KCTD1: variants seen among roughly 807,000 people sequenced by gnomAD.
KCTD1 encodes BTB/POZ domain-containing protein KCTD1.
A neutral mutation model predicts 66.0 loss-of-function variants in KCTD1; 24 were observed. That is an observed-to-expected ratio of 0.36 (90% confidence interval 0.26 to 0.51). The LOEUF (loss-of-function observed/expected upper bound fraction) is 0.51. Ranked by LOEUF, KCTD1 falls within the 20% of genes least tolerant of loss-of-function variation. The probability of loss-of-function intolerance (pLI) is 0.95; values close to 1 mark genes in which losing one functional copy is unlikely to be tolerated. For missense variants in KCTD1, 943 were observed against 1,205.2 expected (o/e 0.78, Z 3.22); for synonymous variants, 511 against 517.2 (o/e 0.99, Z 0.16).
chr18:26,631,835 T>G (rs927363109), upstream of KCTD1, among the ~76,000 whole-genome samples: 1 of 148,132 alleles, frequency 6.8e-6, no homozygotes, highest in Non-Finnish European at 1.5e-5. Flanking sequence ...GATCACGAGG[T>G]CAGGAGATCG....
At chr18:26,599,458 A>C in intron 1 of KCTD1, 4 of 1,611,436 alleles carry the variant, frequency 2.5e-6, no homozygotes, top group Non-Finnish European at 2.5e-6. Flanking sequence ...GTCTGGGATA[A>C]GTCATCCCCA....
At chr18:26,602,739 A>G (rs1161866114) in intron 1 of KCTD1, among the ~76,000 whole-genome samples, 2 of 152,248 alleles carry the variant, frequency 1.3e-5, no homozygotes, top group Non-Finnish European at 2.9e-5. Flanking sequence ...GGTTAATAAC[A>G]TCATGATCCA....
At chr18:26,487,303 C>T (rs1181264125) in intron 2 of KCTD1, among the ~76,000 whole-genome samples, 1 of 152,172 alleles carries the variant, frequency 6.6e-6, no homozygotes, top group Non-Finnish European at 1.5e-5. Context: ...GGACTGTGAG[C>T]TATATCTCTT....
intron 1 of KCTD1, among the ~76,000 whole-genome samples, chr18:26,647,734 C>A (rs1049479878): frequency 6.6e-6 from 1 of 152,026 alleles, no homozygotes; most frequent in African/African-American, 2.4e-5. Context: ...GTTCATACTG[C>A]AGGTGAATTT....
chr18:26,639,724 C>T (rs935926617), intron 1 of KCTD1, among the ~76,000 whole-genome samples: 3 of 152,090 alleles, frequency 2.0e-5, no homozygotes, highest in East Asian at 1.9e-4. Flanking sequence ...CTCACAACAC[C>T]GCTGTGCTGT....
chr18:26,464,644 T>G (rs1980623107), intron 3 of KCTD1, among the ~76,000 whole-genome samples: 2 of 152,246 alleles, frequency 1.3e-5, no homozygotes, highest in Non-Finnish European at 2.9e-5. Flanking sequence ...CATTTCATTT[T>G]AAAAACTGTG....
In KCTD1 at chr18:26,649,611, C is replaced by T. The variant is rs571549531; in HGVS notation, c.9+7749G>A. Among the ~76,000 whole-genome samples the T allele has an allele frequency of 3.3e-5, 5 of 152,262 alleles. No homozygotes were observed. The East Asian group carries it at 7.7e-4, about 24-fold the overall frequency. On this transcript the variant is annotated intron_variant, in intron 1 of 4. Transcript: ENST00000580191. ...GCAACCTCCGCCTCCTGGGTTCAAG[C>T]GATTCTTCTGCCCCAGCCTCCCGAG... is the stretch of plus-strand genomic sequence containing the variant.
chr18:26,568,746 G>C (rs1313138079), intron 1 of KCTD1, among the ~76,000 whole-genome samples: 1 of 152,160 alleles, frequency 6.6e-6, no homozygotes, highest in Non-Finnish European at 1.5e-5. Context: ...TAACTAATTT[G>C]CTGCTACTGG....
chr18:26,460,403 C>T (rs917385248), intron 3 of KCTD1, among the ~76,000 whole-genome samples: 1 of 152,216 alleles, frequency 6.6e-6, no homozygotes, highest in Non-Finnish European at 1.5e-5. Context: ...TGCCAATGGG[C>T]ACCCTTCATC....
intron 1 of KCTD1, among the ~76,000 whole-genome samples, chr18:26,607,856 C>G (rs763639532): frequency 6.6e-6 from 1 of 152,174 alleles, no homozygotes; most frequent in Non-Finnish European, 1.5e-5. Context: ...CAGCCTCAAA[C>G]TCCCAGACTC....
chr18:26,544,720 A>G, intron 1 of KCTD1: 1 of 152,224 alleles, frequency 6.6e-6, no homozygotes, highest in East Asian at 1.9e-4. Context: ...ATATACAAAG[A>G]AGGAAAAAGT....
chr18:26,585,228 C>T (rs923427738), intron 1 of KCTD1, among the ~76,000 whole-genome samples: 15 of 152,164 alleles, frequency 9.9e-5, no homozygotes, highest in African/African-American at 3.4e-4. Flanking sequence ...TTTTGGCCAC[C>T]GGCATACTTT....
intron 1 of KCTD1, among the ~76,000 whole-genome samples, chr18:26,564,186 G>C (rs989580119): frequency 6.6e-6 from 1 of 152,152 alleles, no homozygotes; most frequent in Non-Finnish European, 1.5e-5. Context: ...GAAGGACTGG[G>C]ATGCTAACTC....
chr18:26,473,489 G>T (rs1300553956), intron 3 of KCTD1, among the ~76,000 whole-genome samples: 3 of 151,898 alleles, frequency 2.0e-5, no homozygotes, highest in Non-Finnish European at 4.4e-5. Context: ...GTTGATAGGT[G>T]CAGCAAACCA....
At chr18:26,645,584 G>C (rs1987913871) in intron 1 of KCTD1, among the ~76,000 whole-genome samples, 1 of 152,102 alleles carries the variant, frequency 6.6e-6, no homozygotes, top group Admixed American at 6.5e-5. Context: ...TTATTGTAGA[G>C]ATGAGGTCTT....
rs558921904 is a variant in KCTD1, at chr18:26,507,541, A to C, written c.1810-6291T>G. Among the ~76,000 whole-genome samples, 51 of 151,920 alleles carry C rather than the reference A, an allele frequency of 3.4e-4. 1 individual carries two copies. The South Asian group carries it at 0.011, about 32-fold the overall frequency. ...TGTGCCACCACACTTGGCTAATTAA[A>C]ATTTTTTTTTCTTTTGTAGAGATGG... On this transcript the variant is annotated intron_variant, in intron 1 of 4. Coordinates refer to ENST00000580059, the MANE Select transcript of KCTD1 (RefSeq NM_001142730.3).
intron 1 of KCTD1, among the ~76,000 whole-genome samples, chr18:26,532,663 G>T (rs1484593358): frequency 6.6e-6 from 1 of 152,144 alleles, no homozygotes; most frequent in African/African-American, 2.4e-5. Context: ...AGGTTGAGGT[G>T]GTCAGAGAAG....
intron 1 of KCTD1, among the ~76,000 whole-genome samples, chr18:26,518,277 A>G (rs1245319751): frequency 2.0e-5 from 3 of 152,108 alleles, no homozygotes; most frequent in Non-Finnish European, 4.4e-5. Flanking sequence ...AGGGAAACAA[A>G]CTAATTTGAA....
Position 26,548,512 on chromosome 18 carries a change from C to A in KCTD1, c.25G>T (p.Asp9Tyr). Residue 9 changes from aspartate (D) to tyrosine (Y), a missense_variant, in exon 1 of 5, where the codon GAC becomes TAC. Coordinates refer to ENST00000580059, the MANE Select transcript of KCTD1 (RefSeq NM_001142730.3). ...CTGCCGCCCGCGCTGGTGTTACAGT[C>A]CCCGCTGCCAGGCATTCTCGCCATA... MARMPGSG[D>Y]CNTSAGGSAS... 8.1e-7 allele frequency: 1 copy of A among 1,228,938 alleles called. No homozygotes were observed. Among genetic ancestry groups the A allele is most frequent in the Non-Finnish European group, 1.0e-6 (1 of 990,218 alleles). The allele number at this position is 1,228,938 out of a possible 1,614,324, so 76.1% of individuals were successfully genotyped here. A position where few individuals can be genotyped will look rare whatever the true frequency, so the allele number is the denominator to read the frequency against.
Sources: gnomAD v4.1 joint callset for allele counts (sites outside exome capture counted in the v4.1 genomes callset) on GRCh38, gnomAD v4.1.1 for gene constraint, MANE v1.5 for transcripts, NCBI Gene and HGNC (gene_info 2026-07-23, HGNC 2026-07-21) for gene names.